The following MYO5A variants were observed in gnomAD, a reference collection of about 807,000 sequenced individuals.
The protein encoded by MYO5A is unconventional myosin-Va.
Under a neutral mutation model 249.7 loss-of-function variants are expected in MYO5A, and 98 were observed. The observed-to-expected ratio is 0.39, with a 90% CI of 0.33 to 0.46. The LOEUF is 0.46. Among genes scored for constraint, MYO5A ranks in the 20% least tolerant of loss-of-function variants. The probability of loss-of-function intolerance (pLI) is 0.98; values close to 1 mark genes in which losing one functional copy is unlikely to be tolerated. For synonymous variants in MYO5A, 778 were observed against 810.6 expected (o/e 0.96, Z 0.68); for missense variants, 1,696 against 2,308.8 (o/e 0.73, Z 5.44).
At position 52,490,738 on chromosome 15, in the gene MYO5A, A is replaced by G. The variant is rs2076918145; in HGVS notation, c.27+38042T>C. ...ATGTTGTTGTTGTTGTTGTTGTTTG[A>G]GACAGGGTCTCATTCTGTTGCCGAG... On this transcript the variant is annotated intron_variant, in intron 1 of 41. Transcript: ENST00000399233. Among the ~76,000 whole-genome samples, 2 of 151,990 alleles carry G rather than the reference A, an allele frequency of 1.3e-5. 1 individual carries two copies. The highest frequency in any genetic ancestry group is 4.2e-4 in the South Asian group (2 of 4,818).
At chr15:52,380,778 C>G (rs370328804) in intron 16 of MYO5A, among the ~76,000 whole-genome samples, 95 of 152,204 alleles carry the variant, frequency 6.2e-4, no homozygotes, top group Middle Eastern at 6.8e-3. Context: ...AAAACAACAG[C>G]AACAACACAG....
intron 1 of MYO5A, among the ~76,000 whole-genome samples, chr15:52,521,188 A>G (rs565709782): frequency 6.7e-6 from 1 of 150,186 alleles, no homozygotes; most frequent in South Asian, 2.1e-4. Flanking sequence ...AGATCACGCC[A>G]CTGCACTCCA....
intron 1 of MYO5A, among the ~76,000 whole-genome samples, chr15:52,510,390 C>G (rs2077365276): frequency 6.6e-6 from 1 of 152,200 alleles, no homozygotes. Context: ...ACATAGCCAA[C>G]AGATAAATCA....
At chr15:52,389,206 C>CA (rs761886026) in intron 13 of MYO5A, 32 bp downstream of exon 13, 2 of 1,602,558 alleles carry the variant, frequency 1.2e-6, no homozygotes, top group Admixed American at 3.3e-5. Flanking sequence ...TTTAAGTATT[C>CA]AAAAAGAAAA....
rs2037800173 is a variant in MYO5A at position 52,312,275 on chromosome 15, A to G, written c.*1421T>C. 6.6e-6 allele frequency: 1 copy of G among 152,248 alleles called. No homozygotes were observed. Among genetic ancestry groups the G allele is most frequent in the African/African-American group, 2.4e-5 (1 of 41,464 alleles). The allele number at this position is 152,248 out of a possible 1,614,324, so 9.4% of individuals were successfully genotyped here. ...AAGCCTTAAAAACTGAATCATAATG[A>G]AATATTTATTATATACCTTCTTTTG... On this transcript the variant is annotated 3_prime_UTR_variant, in exon 42 of 42. Transcript: ENST00000399233.
In MYO5A at chr15:52,360,476, A is replaced by G. The variant is rs147692553; in HGVS notation, c.3310-395T>C. ...AAAACTTACAAAAACCTCATAAAAT[A>G]TATTGAAATGGCATGCACAATCATT... On this transcript the variant is annotated intron_variant, in intron 24 of 41. Transcript: ENST00000399233. Among the ~76,000 whole-genome samples, 865 of 152,354 alleles carry G rather than the reference A, an allele frequency of 5.7e-3. 10 individuals are homozygous for G. Among genetic ancestry groups the G allele is most frequent in the African/African-American group, 0.02 (830 of 41,574 alleles).
intron 1 of MYO5A, among the ~76,000 whole-genome samples, chr15:52,521,560 T>C (rs982817917): frequency 3.3e-5 from 5 of 152,228 alleles, no homozygotes; most frequent in Non-Finnish European, 5.9e-5. Flanking sequence ...GGTAGATACA[T>C]GGTCCTCATG....
intron 1 of MYO5A, among the ~76,000 whole-genome samples, chr15:52,492,774 G>A (rs1196209484): frequency 3.9e-5 from 6 of 152,188 alleles, no homozygotes; most frequent in African/African-American, 1.2e-4. Context: ...ACATGGAAAG[G>A]CAAAATGAGT....
At chr15:52,389,414 C>T (rs755587902) in intron 12 of MYO5A, 51 bp from the exon 13 acceptor site, 1 of 1,550,332 alleles carries the variant, frequency 6.5e-7, no homozygotes, top group Non-Finnish European at 8.8e-7. Context: ...TACTGTGATT[C>T]CTCTAAAGCA....
At chr15:52,444,277 C>T (rs2075843996) in intron 1 of MYO5A, among the ~76,000 whole-genome samples, 1 of 151,982 alleles carries the variant, frequency 6.6e-6, no homozygotes, top group South Asian at 2.1e-4. Context: ...TTAGTATTTC[C>T]ATCTATAATT....
chr15:52,414,698 T>C (rs776889666), intron 5 of MYO5A, among the ~76,000 whole-genome samples: 2 of 152,118 alleles, frequency 1.3e-5, no homozygotes, highest in Non-Finnish European at 2.9e-5. Context: ...CAAGAATTTG[T>C]CATGACCAAA....
At chr15:52,527,027 T>C (rs2077741338) in intron 1 of MYO5A, among the ~76,000 whole-genome samples, 1 of 149,726 alleles carries the variant, frequency 6.7e-6, no homozygotes, top group African/African-American at 2.4e-5. Context: ...AAAAAAAAAA[T>C]TGCAAAAAAA....
At chr15:52,424,578 G>A (rs577166402) in intron 4 of MYO5A, among the ~76,000 whole-genome samples, 2 of 152,034 alleles carry the variant, frequency 1.3e-5, no homozygotes, top group East Asian at 1.9e-4. Context: ...GATTTCTAGG[G>A]TTTTGTCCCT....
At chr15:52,367,894 C>T (rs2040892446) in intron 22 of MYO5A, among the ~76,000 whole-genome samples, 1 of 151,608 alleles carries the variant, frequency 6.6e-6, no homozygotes, top group Non-Finnish European at 1.5e-5. Flanking sequence ...CACACACACA[C>T]ACACACACAC....
intron 6 of MYO5A, among the ~76,000 whole-genome samples, chr15:52,408,738 A>G (rs1465086694): frequency 6.6e-6 from 1 of 152,250 alleles, no homozygotes; most frequent in Non-Finnish European, 1.5e-5. Context: ...TAAAAAATAC[A>G]GTTGCAATAA....
intron 1 of MYO5A, among the ~76,000 whole-genome samples, chr15:52,438,668 C>A (rs2075719083): frequency 6.6e-6 from 1 of 152,250 alleles, no homozygotes; most frequent in Non-Finnish European, 1.5e-5. Context: ...AATAGCTAAT[C>A]ATCTATCGCC....
At chr15:52,329,397 G>A (rs181109871) in intron 35 of MYO5A, among the ~76,000 whole-genome samples, 3 of 152,186 alleles carry the variant, frequency 2.0e-5, no homozygotes, top group Admixed American at 6.5e-5. Flanking sequence ...TGAAAGGAGA[G>A]GTTTTTAGGA....
intron 39 of MYO5A, 129 bp downstream of exon 39, chr15:52,318,931 C>A: frequency 3.3e-6 from 4 of 1,228,326 alleles, no homozygotes; most frequent in Non-Finnish European, 4.6e-6. Flanking sequence ...CAGTTTCTCC[C>A]TTGCTGCTTG....
intron 19 of MYO5A, 134 bp downstream of exon 19, chr15:52,376,213 A>G: frequency 2.6e-6 from 2 of 775,504 alleles, no homozygotes; most frequent in East Asian, 2.7e-5. Context: ...TAGCTGTCCT[A>G]TGAGTTAATT....
Sources: gnomAD v4.1 joint callset for allele counts (sites outside exome capture counted in the v4.1 genomes callset) on GRCh38, gnomAD v4.1.1 for gene constraint, MANE v1.5 for transcripts, NCBI Gene and HGNC (gene_info 2026-07-23, HGNC 2026-07-21) for gene names.